SNTB2: variants seen among roughly 807,000 people sequenced by gnomAD.
SNTB2 encodes syntrophin beta 2.
A neutral mutation model predicts 46.2 loss-of-function variants in SNTB2; 34 were observed. That is an observed-to-expected ratio of 0.74 (90% CI 0.56 to 0.98). The LOEUF is 0.98. Ranked by LOEUF, SNTB2 falls within the 50% of genes least tolerant of loss-of-function variation. SNTB2 has a pLI of 0.00. For missense variants in SNTB2, 603 were observed against 731.4 expected, an observed-to-expected ratio of 0.82 and a Z score of 2.02; for synonymous variants, 290 against 312.6, an observed-to-expected ratio of 0.93 and a Z score of 0.76.
chr16:69,261,621 CTT>C (rs1314335999), intron 3 of SNTB2, among the ~76,000 whole-genome samples: 6 of 151,900 alleles, frequency 3.9e-5, no homozygotes, highest in South Asian at 2.1e-4. Context: ...GTACTTATGA[CTT>C]TGAAAATTTT....
At chr16:69,234,264 T>C (rs1464771648) in intron 1 of SNTB2, among the ~76,000 whole-genome samples, 1 of 152,114 alleles carries the variant, frequency 6.6e-6, no homozygotes, top group African/African-American at 2.4e-5. Context: ...GCCTGGGAGA[T>C]TGAGGCTGTA....
intron 1 of SNTB2, among the ~76,000 whole-genome samples, chr16:69,203,311 C>T (rs1305768319): frequency 1.3e-5 from 2 of 151,698 alleles, no homozygotes; most frequent in African/African-American, 4.8e-5. Context: ...AGCCACTGCG[C>T]CCAGCGTTTT....
chr16:69,253,822 C>G (rs1269598356), intron 2 of SNTB2, among the ~76,000 whole-genome samples: 1 of 152,092 alleles, frequency 6.6e-6, no homozygotes, highest in Non-Finnish European at 1.5e-5. Flanking sequence ...TAACTAGGAT[C>G]TGAGACATCA....
chr16:69,280,621 G>C (rs574685586), intron 4 of SNTB2, among the ~76,000 whole-genome samples: 1 of 151,978 alleles, frequency 6.6e-6, no homozygotes, highest in Non-Finnish European at 1.5e-5. Flanking sequence ...GGACGGGGCG[G>C]CTGGCCGGGC....
intron 3 of SNTB2, among the ~76,000 whole-genome samples, chr16:69,266,980 G>T (rs1431190313): frequency 6.6e-6 from 1 of 151,734 alleles, no homozygotes; most frequent in Non-Finnish European, 1.5e-5. Context: ...TTATAAGTGT[G>T]AGCCACCACA....
intron 4 of SNTB2, among the ~76,000 whole-genome samples, chr16:69,275,659 G>A (rs1164584610): frequency 6.6e-6 from 1 of 152,162 alleles, no homozygotes; most frequent in African/African-American, 2.4e-5. Flanking sequence ...TGTTTTTAAT[G>A]TAGGGGAAAG....
intron 1 of SNTB2, among the ~76,000 whole-genome samples, chr16:69,206,911 G>A (rs1413578457): frequency 4.0e-5 from 6 of 150,394 alleles, no homozygotes; most frequent in African/African-American, 9.7e-5. Flanking sequence ...GACTACAGGC[G>A]CCTGCCACCA....
intron 4 of SNTB2, among the ~76,000 whole-genome samples, chr16:69,276,313 G>T (rs1964984763): frequency 6.6e-6 from 1 of 152,156 alleles, no homozygotes; most frequent in South Asian, 2.1e-4. Context: ...AACTCATCTG[G>T]CCTCTCCACA....
chr16:69,296,442 C>T (rs146556283), intron 5 of SNTB2, among the ~76,000 whole-genome samples: 185 of 151,718 alleles, frequency 1.2e-3, no homozygotes, highest in African/African-American at 3.8e-3. Context: ...AATCTCAGGC[C>T]GGTCGCGGTG....
At chr16:69,214,307 A>G (rs1332918564) in intron 1 of SNTB2, among the ~76,000 whole-genome samples, 20 of 145,892 alleles carry the variant, frequency 1.4e-4, no homozygotes, top group Admixed American at 6.9e-4. Flanking sequence ...ATTTTTTTGT[A>G]TTTTGTATTT....
At chr16:69,269,288 G>A (rs1964915326) in intron 3 of SNTB2, among the ~76,000 whole-genome samples, 1 of 151,788 alleles carries the variant, frequency 6.6e-6, no homozygotes, top group South Asian at 2.1e-4. Flanking sequence ...GGAGGCCAAG[G>A]CAGGCGGATC....
chr16:69,191,970 G>A (rs544422693), intron 1 of SNTB2, among the ~76,000 whole-genome samples: 2 of 152,140 alleles, frequency 1.3e-5, no homozygotes, highest in Admixed American at 1.3e-4. Flanking sequence ...AAAATAATTG[G>A]GACAGATTTG....
intron 5 of SNTB2, among the ~76,000 whole-genome samples, chr16:69,288,969 A>C (rs896689042): frequency 6.6e-6 from 1 of 152,132 alleles, no homozygotes; most frequent in African/African-American, 2.4e-5. Context: ...GTTCTCACTT[A>C]TATGGGAGCT....
rs78421270 is a variant in SNTB2 at position 69,274,096 on chromosome 16, G to T, written c.1148+3811G>T. Among the ~76,000 whole-genome samples, 15 of 152,010 alleles carry T rather than the reference G, an allele frequency of 9.9e-5. No homozygotes were observed. The East Asian group carries it at 2.7e-3, about 27-fold the overall frequency. ...TGGGAGGCCGAGGCTGGCGGATCAC[G>T]AGGTCAGGAGTTCAAGACCAGCCTG... On this transcript the variant is annotated intron_variant, in intron 4 of 6. Transcript: ENST00000336278.
chr16:69,189,805 G>A (rs1964033587), intron 1 of SNTB2, among the ~76,000 whole-genome samples: 1 of 152,208 alleles, frequency 6.6e-6, no homozygotes, highest in Admixed American at 6.5e-5. Flanking sequence ...CTAGTATTCA[G>A]ACCAGTAAAA....
chr16:69,217,485 T>G (rs1469915573), intron 1 of SNTB2, among the ~76,000 whole-genome samples: 1 of 151,978 alleles, frequency 6.6e-6, no homozygotes, highest in African/African-American at 2.4e-5. Context: ...AAAAATAAAA[T>G]TAAAAATTTT....
chr16:69,217,343 A>G (rs192158760), intron 1 of SNTB2, among the ~76,000 whole-genome samples: 320 of 152,188 alleles, frequency 2.1e-3, no homozygotes, highest in Non-Finnish European at 3.7e-3. Flanking sequence ...ACATTGTGGC[A>G]TGCACCTGTA....
intron 2 of SNTB2, among the ~76,000 whole-genome samples, chr16:69,248,014 T>C (rs1382264297): frequency 2.0e-5 from 3 of 152,138 alleles, no homozygotes; most frequent in Non-Finnish European, 1.5e-5. Context: ...TCCTAGCTAC[T>C]TGGGAGGCTG....
At chr16:69,252,750 G>A (rs1964738068) in intron 2 of SNTB2, among the ~76,000 whole-genome samples, 2 of 152,102 alleles carry the variant, frequency 1.3e-5, no homozygotes, top group South Asian at 4.1e-4. Context: ...TTGACAAGAG[G>A]CCAAAACTTC....
Sources: gnomAD v4.1 joint callset for allele counts (sites outside exome capture counted in the v4.1 genomes callset) on GRCh38, gnomAD v4.1.1 for gene constraint, MANE v1.5 for transcripts, NCBI Gene and HGNC (gene_info 2026-07-23, HGNC 2026-07-21) for gene names.